Variants in POU2F1 observed in about 807,000 individuals in gnomAD.
POU2F1 encodes POU class 2 homeobox 1, also known as POU domain, class 2, transcription factor 1.
A neutral mutation model predicts 84.9 loss-of-function variants in POU2F1; 16 were observed. The ratio of observed to expected loss-of-function variants is 0.19; its 90% CI spans 0.13 to 0.29. POU2F1 has a LOEUF of 0.29. POU2F1 is among the 10% of genes least tolerant of loss of function. The pLI is 1.00. For missense variants in POU2F1, 738 were observed against 942.6 expected, an observed-to-expected ratio of 0.78 and a Z score of 2.84; for synonymous variants, 368 against 368.3, an observed-to-expected ratio of 1.00 and a Z score of 0.01.
chr1:167,276,197 G>A (rs1026111080), intron 1 of POU2F1, among the ~76,000 whole-genome samples: 5 of 152,178 alleles, frequency 3.3e-5, no homozygotes, highest in African/African-American at 4.8e-5. Context: ...TTCTGCCGAG[G>A]ACGTGAATCT....
At chr1:167,344,857 CAAAG>C (rs1658087546) in intron 2 of POU2F1, among the ~76,000 whole-genome samples, 2 of 151,976 alleles carry the variant, frequency 1.3e-5, no homozygotes, top group African/African-American at 4.8e-5. Flanking sequence ...AGGGGAGTGG[CAAAG>C]AAAGAACAGA....
At chr1:167,278,008 A>C (rs989737622) in intron 1 of POU2F1, among the ~76,000 whole-genome samples, 1 of 152,124 alleles carries the variant, frequency 6.6e-6, no homozygotes, top group South Asian at 2.1e-4. Flanking sequence ...AAGCTAGGGT[A>C]CTGTATCCTA....
At chr1:167,243,384 G>A (rs898541671) in intron 1 of POU2F1, among the ~76,000 whole-genome samples, 9 of 152,238 alleles carry the variant, frequency 5.9e-5, no homozygotes, top group Non-Finnish European at 7.3e-5. Flanking sequence ...GTCGATTTAT[G>A]TAAACTATTT....
chr1:167,336,359 T>G (rs1163280989), intron 2 of POU2F1, among the ~76,000 whole-genome samples: 3 of 152,342 alleles, frequency 2.0e-5, no homozygotes, highest in African/African-American at 7.2e-5. Flanking sequence ...CATGTCACAG[T>G]GAACAGTTCA....
chr1:167,387,705 AG>A (rs1172291284), intron 8 of POU2F1, among the ~76,000 whole-genome samples: 1 of 152,242 alleles, frequency 6.6e-6, no homozygotes, highest in Admixed American at 6.5e-5. Context: ...TCTTCACAGG[AG>A]GAGTCAACTG....
At chr1:167,273,769 A>C (rs1652536445) in intron 1 of POU2F1, among the ~76,000 whole-genome samples, 1 of 152,232 alleles carries the variant, frequency 6.6e-6, no homozygotes, top group African/African-American at 2.4e-5. Flanking sequence ...CGTTATGAGT[A>C]GTGTATGGAC....
At chr1:167,332,414 A>T in intron 1 of POU2F1, 56 bp from the exon 2 acceptor site, 3 of 1,416,706 alleles carry the variant, frequency 2.1e-6, no homozygotes, top group Non-Finnish European at 3.0e-6. Context: ...TGCCTCCTCA[A>T]TCCCATCTCC....
intron 1 of POU2F1, among the ~76,000 whole-genome samples, chr1:167,262,435 A>C (rs1651633529): frequency 6.6e-6 from 1 of 152,226 alleles, no homozygotes; most frequent in Non-Finnish European, 1.5e-5. Flanking sequence ...TAATTTATTC[A>C]GTGTACTTTG....
intron 15 of POU2F1, chr1:167,414,216 T>A (rs1248849020): frequency 3.0e-6 from 2 of 656,206 alleles, no homozygotes; most frequent in Non-Finnish European, 1.9e-6. Flanking sequence ...GCTCTAAAGC[T>A]TTTGTTATAT....
At chr1:167,331,069 A>G (rs185744656) in intron 1 of POU2F1, among the ~76,000 whole-genome samples, 1 of 152,188 alleles carries the variant, frequency 6.6e-6, no homozygotes. Context: ...TGATATTTAA[A>G]TTTCTCTGGA....
At chr1:167,336,506 G>A (rs544882625) in intron 2 of POU2F1, among the ~76,000 whole-genome samples, 2 of 152,210 alleles carry the variant, frequency 1.3e-5, no homozygotes, top group South Asian at 4.1e-4. Flanking sequence ...TGCCAGAAGT[G>A]TTCCCCAAAG....
At chr1:167,272,186 A>G (rs893256388) in intron 1 of POU2F1, among the ~76,000 whole-genome samples, 2 of 152,202 alleles carry the variant, frequency 1.3e-5, no homozygotes, top group Admixed American at 1.3e-4. Flanking sequence ...AAGACTAGGA[A>G]TACTTGCCAT....
chr1:167,394,540 G>C (rs1418028064), intron 9 of POU2F1, among the ~76,000 whole-genome samples: 2 of 152,104 alleles, frequency 1.3e-5, no homozygotes, highest in African/African-American at 4.8e-5. Context: ...TGTGATGATG[G>C]GGTGTTCTGT....
In POU2F1 at chr1:167,379,392, G is replaced by A. The variant is rs535710052; in HGVS notation, c.718+3237G>A. 8 of 152,210 alleles carry A rather than the reference G, an allele frequency of 5.3e-5. 1 individual carries two copies. The South Asian group carries it at 1.0e-3, about 20-fold the overall frequency. The allele number at this position is 152,210 out of a possible 1,614,324, so 9.4% of individuals were successfully genotyped here. On this transcript the variant is annotated intron_variant, in intron 7 of 15. Transcript: ENST00000367866. ...TTGGGTAGGGAAAATTGGTAAATAA[G>A]TAGGTAGATGGACAGGACCTGGTGG...
At chr1:167,381,901 C>T (rs574547227) in intron 7 of POU2F1, among the ~76,000 whole-genome samples, 17 of 152,096 alleles carry the variant, frequency 1.1e-4, no homozygotes, top group East Asian at 1.9e-4. Flanking sequence ...TGAGCCACCG[C>T]GCCTGGCCCT....
chr1:167,245,256 TGTTTGA>T (rs1650226343), intron 1 of POU2F1, among the ~76,000 whole-genome samples: 1 of 151,650 alleles, frequency 6.6e-6, no homozygotes, highest in African/African-American at 2.4e-5. Context: ...TTTTTTTTTT[TGTTTGA>T]GACAGGGTCT....
At chr1:167,299,707 T>TTTTTTTTTTTTTC (rs1553204489) in intron 1 of POU2F1, among the ~76,000 whole-genome samples, 1 of 150,882 alleles carries the variant, frequency 6.6e-6, no homozygotes, top group African/African-American at 2.5e-5. Context: ...TTTTTTTTTT[T>TTTTTTTTTTTTTC]CATTTTATTT....
chr1:167,377,479 C>CA (rs1660411903), intron 7 of POU2F1, among the ~76,000 whole-genome samples: 1 of 152,094 alleles, frequency 6.6e-6, no homozygotes, highest in African/African-American at 2.4e-5. Context: ...CCCAGCTACT[C>CA]AGGAGGCTGA....
At chr1:167,235,304 C>T (rs1263592634) in intron 1 of POU2F1, among the ~76,000 whole-genome samples, 1 of 152,170 alleles carries the variant, frequency 6.6e-6, no homozygotes, top group African/African-American at 2.4e-5. Flanking sequence ...TTTTGGCAGA[C>T]TGTTTTATAC....
Sources: gnomAD v4.1 joint callset for allele counts (sites outside exome capture counted in the v4.1 genomes callset) on GRCh38, gnomAD v4.1.1 for gene constraint, MANE v1.5 for transcripts, NCBI Gene and HGNC (gene_info 2026-07-23, HGNC 2026-07-21) for gene names.